DNER: variants seen among roughly 807,000 people sequenced by gnomAD.
The protein encoded by DNER is delta/notch like EGF repeat containing.
A neutral mutation model predicts 78.2 loss-of-function variants in DNER; 33 were observed. The ratio of observed to expected loss-of-function variants is 0.42; its 90% CI spans 0.32 to 0.56. The LOEUF (loss-of-function observed/expected upper bound fraction) is 0.56, where lower values mean the gene tolerates loss of function less well. Ranked by LOEUF, DNER falls within the 20% of genes least tolerant of loss-of-function variation. The pLI is 0.11. For missense variants in DNER, 918 were observed against 975.3 expected, an observed-to-expected ratio of 0.94 and a Z score of 0.78; for synonymous variants, 417 against 384.8, an observed-to-expected ratio of 1.08 and a Z score of -0.98.
At chr2:229,668,061 C>T (rs1169627863) in intron 1 of DNER, among the ~76,000 whole-genome samples, 2 of 152,146 alleles carry the variant, frequency 1.3e-5, no homozygotes, top group Non-Finnish European at 1.5e-5. Context: ...AATAGTGTCT[C>T]TTACTTCAGT....
At chr2:229,536,481 G>A (rs1403695489) in intron 5 of DNER, among the ~76,000 whole-genome samples, 1 of 152,156 alleles carries the variant, frequency 6.6e-6, no homozygotes, top group African/African-American at 2.4e-5. Flanking sequence ...CCTAAAGAGG[G>A]GCAATGAAGC....
chr2:229,711,200 A>G (rs956665538), intron 1 of DNER, among the ~76,000 whole-genome samples: 3 of 152,092 alleles, frequency 2.0e-5, no homozygotes, highest in African/African-American at 4.8e-5. Context: ...TGAACCTCCC[A>G]CCAGCACCAA....
chr2:229,543,627 GA>G lies in DNER; in HGVS notation c.993+3319del, dbSNP rs574797467. 2.5e-4 allele frequency among the ~76,000 whole-genome samples: 38 copies of G among 152,268 alleles called. 1 individual carries two copies. In the South Asian group the frequency reaches 7.7e-3, roughly 31 times the overall value. On this transcript the variant is annotated intron_variant, in intron 5 of 12. Coordinates refer to ENST00000341772, the MANE Select transcript of DNER (RefSeq NM_139072.4). The stretch of plus-strand genomic sequence containing the variant: ...CTGGGAAGCCTGAGAAGGCCTGGGG[GA>G]AGATCTGTGTGTCTCCTCCTCCTCC...
At chr2:229,550,561 G>T (rs958015688) in intron 4 of DNER, among the ~76,000 whole-genome samples, 2 of 152,020 alleles carry the variant, frequency 1.3e-5, no homozygotes, top group Non-Finnish European at 2.9e-5. Context: ...TGGATCATGA[G>T]GTCGGGAGAT....
intron 6 of DNER, among the ~76,000 whole-genome samples, chr2:229,501,644 C>G (rs989283737): frequency 1.4e-4 from 22 of 152,274 alleles, no homozygotes; most frequent in African/African-American, 4.8e-4. Flanking sequence ...GACAACAACA[C>G]AGTTTGAATT....
intron 6 of DNER, among the ~76,000 whole-genome samples, chr2:229,490,138 T>C (rs1403516215): frequency 1.3e-5 from 2 of 151,882 alleles, no homozygotes; most frequent in Non-Finnish European, 2.9e-5. Flanking sequence ...GGTTTTAAGA[T>C]AGAGAAGGCC....
At chr2:229,569,347 C>T (rs1051034724) in intron 4 of DNER, among the ~76,000 whole-genome samples, 1 of 152,080 alleles carries the variant, frequency 6.6e-6, no homozygotes, top group Non-Finnish European at 1.5e-5. Context: ...CATGGTGAAA[C>T]CTAGACTCTA....
chr2:229,387,093 C>T (rs1249319272), intron 11 of DNER, among the ~76,000 whole-genome samples: 4 of 152,084 alleles, frequency 2.6e-5, no homozygotes, highest in Non-Finnish European at 5.9e-5. Flanking sequence ...CCATCAATGA[C>T]AGACTGGATA....
intron 4 of DNER, among the ~76,000 whole-genome samples, chr2:229,558,665 T>G (rs1696898554): frequency 6.6e-6 from 1 of 152,174 alleles, no homozygotes; most frequent in African/African-American, 2.4e-5. Flanking sequence ...AGGACTGGGC[T>G]GCAGGATGGG....
At chr2:229,403,278 A>G (rs1693307901) in intron 10 of DNER, among the ~76,000 whole-genome samples, 1 of 152,184 alleles carries the variant, frequency 6.6e-6, no homozygotes, top group African/African-American at 2.4e-5. Context: ...GAAGCAGTTA[A>G]TATTTTATCA....
At chr2:229,698,197 C>T (rs968616274) in intron 1 of DNER, among the ~76,000 whole-genome samples, 4 of 151,874 alleles carry the variant, frequency 2.6e-5, no homozygotes, top group Non-Finnish European at 4.4e-5. Flanking sequence ...GGTGACAGAG[C>T]GAGACTCTGT....
At chr2:229,606,851 C>T (rs1697951228) in intron 1 of DNER, among the ~76,000 whole-genome samples, 1 of 152,134 alleles carries the variant, frequency 6.6e-6, no homozygotes, top group Admixed American at 6.5e-5. Flanking sequence ...TGAGATGGTG[C>T]TATTTGCACT....
intron 1 of DNER, among the ~76,000 whole-genome samples, chr2:229,633,567 T>G (rs1698475556): frequency 1.3e-5 from 2 of 152,250 alleles, no homozygotes; most frequent in Non-Finnish European, 2.9e-5. Flanking sequence ...TGATTTAAGA[T>G]TTTAGCAGAC....
chr2:229,453,606 G>A (rs917252748), intron 7 of DNER, among the ~76,000 whole-genome samples: 17 of 152,136 alleles, frequency 1.1e-4, no homozygotes, highest in Admixed American at 1.1e-3. Context: ...AGAAAGAAGA[G>A]GAAACCAAGA....
intron 10 of DNER, among the ~76,000 whole-genome samples, chr2:229,400,587 G>T (rs73100227): frequency 0.014 from 2,065 of 152,166 alleles, 46 homozygotes; most frequent in African/African-American, 0.048. Flanking sequence ...TAATGGGGAT[G>T]TGGCAAAGAG....
chr2:229,524,935 T>C (rs527776962), intron 5 of DNER, among the ~76,000 whole-genome samples: 3 of 152,332 alleles, frequency 2.0e-5, no homozygotes, highest in African/African-American at 7.2e-5. Context: ...CTCAAGATCC[T>C]GAGACAGGGA....
chr2:229,704,517 T>C (rs972854873), intron 1 of DNER, among the ~76,000 whole-genome samples: 2 of 152,196 alleles, frequency 1.3e-5, no homozygotes, highest in African/African-American at 2.4e-5. Flanking sequence ...TATTCAGCAA[T>C]AATAAGAAAC....
chr2:229,544,206 T>C (rs1325642882), intron 5 of DNER, among the ~76,000 whole-genome samples: 3 of 152,204 alleles, frequency 2.0e-5, no homozygotes, highest in South Asian at 2.1e-4. Flanking sequence ...TGTTGATACA[T>C]GAGGTTTCTC....
chr2:229,372,706 G>A (rs1415463603), intron 11 of DNER, among the ~76,000 whole-genome samples: 2 of 152,208 alleles, frequency 1.3e-5, no homozygotes, highest in Admixed American at 1.3e-4. Context: ...CATGAAGAAA[G>A]GGTTTGAGGA....
Sources: gnomAD v4.1 joint callset for allele counts (sites outside exome capture counted in the v4.1 genomes callset) on GRCh38, gnomAD v4.1.1 for gene constraint, MANE v1.5 for transcripts, NCBI Gene and HGNC (gene_info 2026-07-23, HGNC 2026-07-21) for gene names.